The following MAGI2 variants were observed in gnomAD, a reference collection of about 807,000 sequenced individuals.
MAGI2 encodes the protein membrane-associated guanylate kinase, WW and PDZ domain-containing protein 2.
A neutral mutation model predicts 133.3 loss-of-function variants in MAGI2; 35 were observed. The ratio of observed to expected loss-of-function variants is 0.26; its 90% CI spans 0.20 to 0.35. MAGI2 has a LOEUF of 0.35. Ranked by LOEUF, MAGI2 falls within the 10% of genes least tolerant of loss-of-function variation. The pLI, the probability that MAGI2 is intolerant of heterozygous loss-of-function variation, is 1.00. For missense variants in MAGI2, 1,636 were observed against 1,863.4 expected (o/e 0.88, Z 2.25); for synonymous variants, 729 against 710.6 (o/e 1.03, Z -0.41).
chr7:79,024,006 A>G (rs1346459312), intron 1 of MAGI2, among the ~76,000 whole-genome samples: 3 of 152,200 alleles, frequency 2.0e-5, no homozygotes, highest in Non-Finnish European at 2.9e-5. Context: ...TATGGAACCA[A>G]AAAGGATCTC....
Position 79,393,274 on chromosome 7 carries a change from A to G in MAGI2, c.301+59746T>C, listed in dbSNP as rs1272105095. Among the ~76,000 whole-genome samples the G allele has an allele frequency of 3.3e-5, 5 of 152,314 alleles. 1 individual carries two copies. In the Middle Eastern group the frequency reaches 0.01, roughly 311 times the overall value. ...AGTTTAAGAACTCTACATCAGAGAG[A>G]CTGCATAAGTAAAATGGTAATTACT... On this transcript the variant is annotated intron_variant, in intron 1 of 21. Transcript: ENST00000354212.
chr7:78,958,490 A>AT (rs1334371293), intron 2 of MAGI2, among the ~76,000 whole-genome samples: 1 of 152,192 alleles, frequency 6.6e-6, no homozygotes, highest in Non-Finnish European at 1.5e-5. Flanking sequence ...CTTGCCAATC[A>AT]TAACTCAATG....
At chr7:78,655,532 C>A (rs1263715738) in intron 2 of MAGI2, among the ~76,000 whole-genome samples, 1 of 138,068 alleles carries the variant, frequency 7.2e-6, no homozygotes, top group Non-Finnish European at 1.5e-5. Flanking sequence ...ACGTCTGAAA[C>A]AGCCAGGAAA....
At chr7:79,043,659 A>C (rs1381699927) in intron 1 of MAGI2, among the ~76,000 whole-genome samples, 2 of 152,072 alleles carry the variant, frequency 1.3e-5, no homozygotes, top group Non-Finnish European at 2.9e-5. Context: ...TAGACTAATA[A>C]AGAAAAAAGG....
At chr7:78,742,011 G>A (rs949135647) in intron 2 of MAGI2, among the ~76,000 whole-genome samples, 1 of 151,730 alleles carries the variant, frequency 6.6e-6, no homozygotes, top group African/African-American at 2.4e-5. Flanking sequence ...TAGTTATCTA[G>A]TTATTATCAA....
intron 1 of MAGI2, among the ~76,000 whole-genome samples, chr7:79,288,365 A>G (rs926943216): frequency 1.2e-4 from 18 of 152,210 alleles, no homozygotes; most frequent in African/African-American, 4.3e-4. Context: ...ATTGTCTATT[A>G]TAATTATTAA....
At chr7:79,264,883 G>A (rs190621434) in intron 1 of MAGI2, among the ~76,000 whole-genome samples, 3 of 151,812 alleles carry the variant, frequency 2.0e-5, no homozygotes, top group Non-Finnish European at 4.4e-5. Flanking sequence ...GAGAGAGAGC[G>A]CACGAGCACA....
chr7:78,892,685 G>T (rs1227781014), intron 2 of MAGI2, among the ~76,000 whole-genome samples: 11 of 152,276 alleles, frequency 7.2e-5, no homozygotes, highest in Non-Finnish European at 1.2e-4. Flanking sequence ...TATGTAGAAA[G>T]CTGAAACTGG....
At chr7:78,526,545 C>G (rs1317764971) in intron 3 of MAGI2, among the ~76,000 whole-genome samples, 1 of 152,124 alleles carries the variant, frequency 6.6e-6, no homozygotes, top group Non-Finnish European at 1.5e-5. Flanking sequence ...TTTGGAAAAT[C>G]TATAAATTTA....
At chr7:78,132,359 A>G (rs1013469813) in intron 18 of MAGI2, among the ~76,000 whole-genome samples, 1 of 152,178 alleles carries the variant, frequency 6.6e-6, no homozygotes, top group African/African-American at 2.4e-5. Context: ...GCCTTCTTAT[A>G]AAGCAAATCC....
chr7:78,495,876 C>T (rs981652620), intron 5 of MAGI2, among the ~76,000 whole-genome samples: 1 of 151,776 alleles, frequency 6.6e-6, no homozygotes, highest in Admixed American at 6.6e-5. Flanking sequence ...CTTGTGCAGG[C>T]ACAAGAAAAA....
intron 6 of MAGI2, among the ~76,000 whole-genome samples, chr7:78,383,049 T>C (rs961276903): frequency 2.0e-5 from 3 of 152,140 alleles, no homozygotes; most frequent in Non-Finnish European, 4.4e-5. Flanking sequence ...CTTTGCTATT[T>C]TGAATAGTGC....
chr7:78,101,937 T>C (rs1818243867), intron 20 of MAGI2, among the ~76,000 whole-genome samples: 1 of 152,134 alleles, frequency 6.6e-6, no homozygotes, highest in Admixed American at 6.6e-5. Context: ...ATATTCACAA[T>C]AGCCAAGATA....
chr7:78,831,462 C>T (rs568950442), intron 2 of MAGI2, among the ~76,000 whole-genome samples: 7 of 151,806 alleles, frequency 4.6e-5, no homozygotes, highest in Middle Eastern at 3.4e-3. Context: ...GGTGCAGTGG[C>T]ACAATCTCAG....
chr7:78,563,430 A>G (rs540286652), intron 3 of MAGI2, among the ~76,000 whole-genome samples: 1 of 152,084 alleles, frequency 6.6e-6, no homozygotes, highest in Non-Finnish European at 1.5e-5. Context: ...GCACTTGGCC[A>G]TTAGCTTTAT....
intron 6 of MAGI2, among the ~76,000 whole-genome samples, chr7:78,377,095 C>T (rs1357055788): frequency 1.3e-5 from 2 of 152,086 alleles, no homozygotes; most frequent in Non-Finnish European, 2.9e-5. Context: ...ACATCCTGGA[C>T]TCTATTATAG....
intron 2 of MAGI2, among the ~76,000 whole-genome samples, chr7:78,730,144 A>T (rs536539619): frequency 6.6e-6 from 1 of 152,354 alleles, no homozygotes; most frequent in African/African-American, 2.4e-5. Flanking sequence ...ATTAAAAATT[A>T]TCTGATTAGA....
intron 1 of MAGI2, among the ~76,000 whole-genome samples, chr7:79,060,085 C>T (rs755131494): frequency 2.0e-5 from 3 of 151,922 alleles, no homozygotes; most frequent in African/African-American, 7.3e-5. Context: ...AAATCAATGG[C>T]CTTTTTTTAT....
At chr7:78,912,282 G>T (rs138706085) in intron 2 of MAGI2, among the ~76,000 whole-genome samples, 525 of 152,174 alleles carry the variant, frequency 3.4e-3, no homozygotes, top group Admixed American at 8.4e-3. Context: ...GACAAAACAG[G>T]TATGTACAAA....
Sources: gnomAD v4.1 joint callset for allele counts (sites outside exome capture counted in the v4.1 genomes callset) on GRCh38, gnomAD v4.1.1 for gene constraint, MANE v1.5 for transcripts, NCBI Gene and HGNC (gene_info 2026-07-23, HGNC 2026-07-21) for gene names.